Variants in PHTF1 observed in about 807,000 individuals in gnomAD.
The protein encoded by PHTF1 is protein PHTF1.
Under a neutral mutation model 102.4 loss-of-function variants are expected in PHTF1, and 88 were observed. That is an observed-to-expected ratio of 0.86 (90% confidence interval 0.72 to 1.03). PHTF1 has a LOEUF of 1.03. PHTF1 is among the 50% of genes least tolerant of loss of function. The pLI, the probability that PHTF1 is intolerant of heterozygous loss-of-function variation, is 0.00. For missense variants in PHTF1, 814 were observed against 909.5 expected, an observed-to-expected ratio of 0.89 and a Z score of 1.35; for synonymous variants, 289 against 305.2, an observed-to-expected ratio of 0.95 and a Z score of 0.55.
chr1:113,744,930 CAG>C (rs1248520573), intron 3 of PHTF1, among the ~76,000 whole-genome samples: 1 of 131,616 alleles, frequency 7.6e-6, no homozygotes, highest in African/African-American at 3.0e-5. Context: ...GCCTGGGTGA[CAG>C]AGCAAGACTC....
intron 15 of PHTF1, 59 bp downstream of exon 15, chr1:113,704,022 G>GA (rs1228999238): frequency 9.3e-7 from 1 of 1,078,600 alleles, no homozygotes; most frequent in Non-Finnish European, 1.4e-6. Context: ...GTCTAAAACA[G>GA]AAAGTGAACT....
chr1:113,715,482 C>T (rs1651836739), intron 7 of PHTF1, among the ~76,000 whole-genome samples: 1 of 151,290 alleles, frequency 6.6e-6, no homozygotes, highest in Non-Finnish European at 1.5e-5. Context: ...CATGGCAAAA[C>T]CTCGTCTTTA....
chr1:113,738,494 T>C (rs1401644207), intron 4 of PHTF1, among the ~76,000 whole-genome samples: 1 of 152,222 alleles, frequency 6.6e-6, no homozygotes. Context: ...AAACAACATA[T>C]TTATCTTAAT....
chr1:113,749,234 C>A (rs148403990), intron 3 of PHTF1, among the ~76,000 whole-genome samples: 377 of 151,936 alleles, frequency 2.5e-3, no homozygotes, highest in African/African-American at 8.6e-3. Flanking sequence ...TCTTCTTTTT[C>A]TTTAGGTCTT....
Position 113,697,202 on chromosome 1 carries a change from G to C in PHTF1, c.*503C>G, listed in dbSNP as rs938133907. 1.3e-5 allele frequency: 2 copies of C among 152,370 alleles called. No individual in the cohort carries two copies. Among genetic ancestry groups the C allele is most frequent in the African/African-American group, 4.8e-5 (2 of 41,458 alleles). 9.4% of individuals were successfully genotyped at this position (152,370 alleles called of 1,614,324 possible). On this transcript the variant is annotated 3_prime_UTR_variant, in exon 19 of 19. Transcript: ENST00000369604. ...CAACAACAAAGAAAACCTAGAAACTGAAAGTCTCCAGTAAAGTTCTTTTAT... is the reference window on the plus strand; with the variant it reads ...CAACAACAAAGAAAACCTAGAAACTCAAAGTCTCCAGTAAAGTTCTTTTAT...
intron 8 of PHTF1, among the ~76,000 whole-genome samples, chr1:113,712,428 G>A (rs1651271825): frequency 6.6e-6 from 1 of 152,054 alleles, no homozygotes; most frequent in Non-Finnish European, 1.5e-5. Context: ...GTTTGGAGCT[G>A]AGTTCCCTCA....
intron 15 of PHTF1, among the ~76,000 whole-genome samples, chr1:113,703,086 C>T (rs545250380): frequency 6.6e-6 from 1 of 152,268 alleles, no homozygotes; most frequent in South Asian, 2.1e-4. Flanking sequence ...CAGACAAATC[C>T]ACAATCAGAC....
intron 3 of PHTF1, among the ~76,000 whole-genome samples, chr1:113,751,796 A>G (rs1658124127): frequency 6.6e-6 from 1 of 152,212 alleles, no homozygotes; most frequent in South Asian, 2.1e-4. Context: ...ACATTTTTAA[A>G]ACCACCAAAC....
At chr1:113,735,949 T>C (rs554917373) in intron 5 of PHTF1, among the ~76,000 whole-genome samples, 2 of 152,214 alleles carry the variant, frequency 1.3e-5, no homozygotes, top group Middle Eastern at 6.8e-3. Context: ...ATATATTGGG[T>C]CCCTGCACAC....
intron 5 of PHTF1, among the ~76,000 whole-genome samples, chr1:113,729,400 A>G (rs1431184346): frequency 3.3e-5 from 5 of 152,210 alleles, no homozygotes; most frequent in African/African-American, 1.2e-4. Flanking sequence ...GAACTAAAAG[A>G]GTATAACTGG....
chr1:113,704,325 TTAAG>T (rs1354086457), intron 14 of PHTF1, among the ~76,000 whole-genome samples, 158 bp from the exon 15 acceptor site: 3 of 152,222 alleles, frequency 2.0e-5, no homozygotes, highest in Admixed American at 6.5e-5. Context: ...GTCATCAACT[TTAAG>T]TACTGAAATC....
intron 2 of PHTF1, 121 bp from the exon 3 acceptor site, chr1:113,757,876 C>T (rs1369569081): frequency 3.0e-6 from 2 of 663,394 alleles, no homozygotes; most frequent in Admixed American, 2.6e-5. Context: ...AAATATGCTT[C>T]TCAAAAGTTA....
rs1045864517 is a variant in PHTF1, at chr1:113,738,194, A to G, written c.247T>C (p.Phe83Leu). Residue 83 changes from phenylalanine (F) to leucine (L), a missense_variant, in exon 5 of 19, where the codon TTT (phenylalanine) becomes CTT (leucine). Physicochemically the swap from Phe to Leu is conservative, Grantham distance 22. Transcript: ENST00000369604. ...LTRKGLVRVV[F>L]FPLFSNWWIQ... Reference sequence around the variant, plus strand: ...CACCAATTGCTGAACAATGGAAAAAATACAACTCGAACAAGCCCCTTCCGA... The same window carrying G: ...CACCAATTGCTGAACAATGGAAAAAGTACAACTCGAACAAGCCCCTTCCGA... The G allele has an allele frequency of 2.8e-5, 45 of 1,613,686 alleles. No homozygotes were observed. The highest frequency in any genetic ancestry group is 3.6e-5 in the Non-Finnish European group (43 of 1,179,658).
At chr1:113,699,859 A>T in intron 16 of PHTF1, 60 bp from the exon 17 acceptor site, 2 of 736,798 alleles carry the variant, frequency 2.7e-6, no homozygotes, top group Non-Finnish European at 4.5e-6. Context: ...ATACTGCATA[A>T]AATCTGGCAT....
intron 3 of PHTF1, among the ~76,000 whole-genome samples, chr1:113,750,194 C>A (rs942657763): frequency 2.0e-5 from 3 of 151,962 alleles, no homozygotes; most frequent in African/African-American, 7.3e-5. Flanking sequence ...CTATGTTGCC[C>A]AGGCTGGTCC....
At chr1:113,724,207 G>A (rs532959027) in intron 7 of PHTF1, among the ~76,000 whole-genome samples, 54 of 152,250 alleles carry the variant, frequency 3.5e-4, no homozygotes, top group Middle Eastern at 3.4e-3. Flanking sequence ...AGAACAGCTT[G>A]GAGGTTCTTC....
At position 113,733,193 on chromosome 1, in the gene PHTF1, C is replaced by T. The variant is rs146028580; in HGVS notation, c.331+4917G>A. 8.7e-5 allele frequency among the ~76,000 whole-genome samples: 13 copies of T among 150,132 alleles called. No homozygotes were observed. In the East Asian group the frequency reaches 2.5e-3, roughly 29 times the overall value. On this transcript the variant is annotated intron_variant, in intron 5 of 18. Transcript: ENST00000369604. ...TTGGAATTACAGGCTTGAGCCACTG[C>T]CCCCCACCTAGATAACAATTTTTAA... is the stretch of plus-strand genomic sequence containing the variant.
At chr1:113,729,787 G>A (rs1654372489) in intron 5 of PHTF1, among the ~76,000 whole-genome samples, 5 of 152,128 alleles carry the variant, frequency 3.3e-5, no homozygotes, top group Admixed American at 3.3e-4. Flanking sequence ...AGACCTCTGA[G>A]GACTGAAGGG....
intron 3 of PHTF1, among the ~76,000 whole-genome samples, chr1:113,752,089 T>C (rs2101702018): frequency 6.6e-6 from 1 of 152,218 alleles, no homozygotes; most frequent in Non-Finnish European, 1.5e-5. Context: ...AATATATAGA[T>C]ACATTTGGAG....
Sources: gnomAD v4.1 joint callset for allele counts (sites outside exome capture counted in the v4.1 genomes callset) on GRCh38, gnomAD v4.1.1 for gene constraint, MANE v1.5 for transcripts, NCBI Gene and HGNC (gene_info 2026-07-23, HGNC 2026-07-21) for gene names.